REEP3: variants seen among roughly 807,000 people sequenced by gnomAD.
REEP3 encodes receptor expression-enhancing protein 3.
A neutral mutation model predicts 41.3 loss-of-function variants in REEP3; 20 were observed. That is an observed-to-expected ratio of 0.48 (90% CI 0.34 to 0.70). The LOEUF (loss-of-function observed/expected upper bound fraction) is 0.70, where lower values mean the gene tolerates loss of function less well. Among genes scored for constraint, REEP3 ranks in the 30% least tolerant of loss-of-function variants. The probability of loss-of-function intolerance (pLI) is 0.01; values close to 1 mark genes in which losing one functional copy is unlikely to be tolerated. For synonymous variants in REEP3, 104 were observed against 101.8 expected (o/e 1.02, Z -0.13); for missense variants, 271 against 308.8 (o/e 0.88, Z 0.92).
intron 1 of REEP3, 87 bp from the exon 2 acceptor site, chr10:63,566,251 C>A: frequency 1.4e-6 from 1 of 713,836 alleles, no homozygotes; most frequent in Non-Finnish European, 2.4e-6. Context: ...CACAAATTTA[C>A]AGTTATTTGT....
intron 6 of REEP3, among the ~76,000 whole-genome samples, chr10:63,616,111 G>T (rs932650748): frequency 6.6e-6 from 1 of 151,964 alleles, no homozygotes; most frequent in Admixed American, 6.6e-5. Context: ...GCTCTCTGAC[G>T]AAGTCCAAAC....
intron 1 of REEP3, among the ~76,000 whole-genome samples, chr10:63,537,419 G>T (rs1172073707): frequency 6.6e-6 from 1 of 152,200 alleles, no homozygotes; most frequent in Non-Finnish European, 1.5e-5. Flanking sequence ...AGCTCTGAGA[G>T]TCTGGGAGAG....
At chr10:63,606,223 A>AAGT (rs1956223851) in intron 5 of REEP3, 1 of 273,352 alleles carries the variant, frequency 3.7e-6, no homozygotes, top group Non-Finnish European at 5.5e-6. Context: ...ATTGACTAAG[A>AAGT]CCGCTGTTTC....
intron 1 of REEP3, among the ~76,000 whole-genome samples, chr10:63,565,159 C>T (rs539754989): frequency 3.9e-5 from 6 of 152,292 alleles, no homozygotes; most frequent in African/African-American, 1.2e-4. Context: ...ACTCAGGAGC[C>T]TGAGGCAGGA....
chr10:63,587,886 A>C (rs963722434), intron 2 of REEP3, among the ~76,000 whole-genome samples: 2 of 152,208 alleles, frequency 1.3e-5, no homozygotes, highest in Admixed American at 1.3e-4. Flanking sequence ...GGACAGCAGT[A>C]CATCATATCC....
At chr10:63,619,369 G>A (rs552678938) in intron 6 of REEP3, among the ~76,000 whole-genome samples, 69 of 152,226 alleles carry the variant, frequency 4.5e-4, no homozygotes, top group African/African-American at 1.6e-3. Flanking sequence ...TAACAAGATG[G>A]TGTGTTACCT....
chr10:63,568,650 ATTTTTTTT>A (rs10622553), intron 2 of REEP3, among the ~76,000 whole-genome samples: 1 of 109,168 alleles, frequency 9.2e-6, no homozygotes, highest in African/African-American at 3.7e-5. Context: ...ACAACCCAGA[ATTTTTTTT>A]TTTTTTTTTT....
intron 5 of REEP3, among the ~76,000 whole-genome samples, chr10:63,607,189 A>G (rs1956236522): frequency 6.6e-6 from 1 of 152,220 alleles, no homozygotes; most frequent in Non-Finnish European, 1.5e-5. Flanking sequence ...TATTAGTTTT[A>G]TTCTGGATCC....
At chr10:63,529,268 A>G (rs1564990573) in intron 1 of REEP3, among the ~76,000 whole-genome samples, 1 of 152,220 alleles carries the variant, frequency 6.6e-6, no homozygotes, top group African/African-American at 2.4e-5. Flanking sequence ...AGACACACTT[A>G]TTCCAGATAG....
intron 1 of REEP3, among the ~76,000 whole-genome samples, chr10:63,527,952 TG>T (rs1327153278): frequency 2.4e-4 from 2 of 8,510 alleles, no homozygotes; most frequent in Admixed American, 2.0e-3. Flanking sequence ...TGCTTTTTTT[TG>T]TTTTTTTTTT....
At chr10:63,591,910 A>G (rs1274307601) in intron 2 of REEP3, among the ~76,000 whole-genome samples, 2 of 152,276 alleles carry the variant, frequency 1.3e-5, no homozygotes, top group African/African-American at 4.8e-5. Context: ...AGCATTACTT[A>G]TAGTTGTTAT....
intron 5 of REEP3, 149 bp from the exon 6 acceptor site, chr10:63,610,038 G>A: frequency 1.6e-6 from 1 of 607,724 alleles, no homozygotes; most frequent in Non-Finnish European, 2.7e-6. Flanking sequence ...ATGTGAGAAA[G>A]CAGATACCGC....
At chr10:63,589,469 G>A (rs985312412) in intron 2 of REEP3, among the ~76,000 whole-genome samples, 8 of 152,150 alleles carry the variant, frequency 5.3e-5, no homozygotes, top group African/African-American at 1.2e-4. Flanking sequence ...TCAGAAGACA[G>A]GAAAAGCATG....
intron 1 of REEP3, among the ~76,000 whole-genome samples, chr10:63,550,316 A>G (rs1004651443): frequency 2.6e-5 from 4 of 152,232 alleles, no homozygotes; most frequent in African/African-American, 9.6e-5. Flanking sequence ...GTTTGGGAAT[A>G]TGGAAGTTAA....
intron 5 of REEP3, among the ~76,000 whole-genome samples, chr10:63,608,945 G>A (rs752500218): frequency 1.3e-5 from 2 of 152,142 alleles, no homozygotes; most frequent in Non-Finnish European, 2.9e-5. Context: ...ATACCCACCT[G>A]TGCCTAGTGT....
chr10:63,620,491 T>C (rs904246033), intron 7 of REEP3, among the ~76,000 whole-genome samples: 12 of 152,192 alleles, frequency 7.9e-5, no homozygotes, highest in Non-Finnish European at 1.2e-4. Context: ...ACATATTGTC[T>C]TTATACCCAG....
chr10:63,545,959 A>G (rs1485919757), intron 1 of REEP3, among the ~76,000 whole-genome samples: 1 of 152,166 alleles, frequency 6.6e-6, no homozygotes, highest in Non-Finnish European at 1.5e-5. Flanking sequence ...GGATATTTGA[A>G]CAGAGTTAAA....
intron 1 of REEP3, among the ~76,000 whole-genome samples, chr10:63,550,047 T>C (rs1359900072): frequency 1.3e-5 from 2 of 152,214 alleles, no homozygotes; most frequent in Non-Finnish European, 2.9e-5. Context: ...GAAAGATTTA[T>C]CTGACAGTGG....
At chr10:63,543,463 G>GT (rs35146368) in intron 1 of REEP3, among the ~76,000 whole-genome samples, 30 of 138,282 alleles carry the variant, frequency 2.2e-4, no homozygotes, top group Admixed American at 2.9e-4. Context: ...GCCCCATTAA[G>GT]TTTTTTTTTT....
Sources: allele counts gnomAD v4.1 joint callset (sites outside exome capture counted in the v4.1 genomes callset), GRCh38; gene constraint gnomAD v4.1.1; transcripts MANE v1.5; gene names NCBI Gene and HGNC (gene_info 2026-07-23, HGNC 2026-07-21).